Variants in WDR97 observed in about 807,000 individuals in gnomAD.
The protein encoded by WDR97 is WD repeat-containing protein 97.
WDR97 carries 111 observed loss-of-function variants against 65.4 expected under a neutral mutation model. The ratio of observed to expected loss-of-function variants is 1.70; its 90% confidence interval spans 1.45 to 1.99. The LOEUF (loss-of-function observed/expected upper bound fraction) is 1.99, where lower values mean the gene tolerates loss of function less well. Ranked by LOEUF, WDR97 falls within the 30% of genes most tolerant of loss-of-function variation. The probability of loss-of-function intolerance (pLI) is 0.00; values close to 1 mark genes in which losing one functional copy is unlikely to be tolerated. For missense variants in WDR97, 1,674 were observed against 865.0 expected (o/e 1.94, Z -11.73); for synonymous variants, 802 against 397.7 (o/e 2.02, Z -12.10).
chr8:144,117,418 G>C lies in WDR97; in HGVS notation c.*1125G>C, dbSNP rs1814783972. The C allele has an allele frequency of 6.6e-6, 1 of 152,196 alleles. No homozygotes were observed. 9.4% of individuals were successfully genotyped at this position (152,196 alleles called of 1,614,324 possible). ...CTCGATCAGTGTCTAGCGATGTCAA[G>C]GCCCCCAGTTTGGGTTCAAGCCTGC... On this transcript the variant is annotated 3_prime_UTR_variant, in exon 24 of 24. Transcript: ENST00000323662.
rs1259456383 is a variant in WDR97, at chr8:144,108,364, C to A, written c.298C>A (p.Pro100Thr). ...RAARLTHGLEPLRRLEVAAGL... is the reference protein window; with the variant it reads ...RAARLTHGLETLRRLEVAAGL... The stretch of plus-strand genomic sequence containing the variant: ...GGCGCGCCTGACGCATGGGCTGGAA[C>A]CACTGCGCCGCCTGGAGGTGGCAGC... The change falls in exon 3 of 24, where the codon CCA (proline) becomes ACA (threonine). Residue 100 changes from proline to threonine, a missense_variant. Coordinates refer to ENST00000323662, the MANE Select transcript of WDR97 (RefSeq NM_001316309.2). The A allele has an allele frequency of 2.9e-6, 2 of 697,256 alleles. No individual in the cohort carries two copies. Among genetic ancestry groups the A allele is most frequent in the African/African-American group, 3.5e-5 (2 of 57,052 alleles). The allele number at this position is 697,256 out of a possible 1,614,324, so 43.2% of individuals were successfully genotyped here. A position where few individuals can be genotyped will look rare whatever the true frequency, so the allele number is the denominator to read the frequency against.
At chr8:144,111,023 G>C (rs562265295) in intron 9 of WDR97, 27 bp downstream of exon 9, 2 of 702,350 alleles carry the variant, frequency 2.8e-6, no homozygotes, top group Non-Finnish European at 5.2e-6. Context: ...GAGTGAGCAA[G>C]GTGGGCCCCC....
Position 144,114,451 on chromosome 8 carries a change from C to G in WDR97, c.3768C>G (p.Asn1256Lys), listed in dbSNP as rs1836610590. The change falls in exon 19 of 24, where the codon AAC becomes AAG. Residue 1256 changes from asparagine to lysine, a missense_variant. By Grantham distance (94) the Asn-to-Lys change is moderately conservative (BLOSUM62 0). Transcript: ENST00000323662. Reference sequence around the variant, plus strand: ...AGGGCCTGCTCGTACACTTGCTCAACCTGGACCAGCCCCCCAGCCTCCAGG... The same window carrying G: ...AGGGCCTGCTCGTACACTTGCTCAAGCTGGACCAGCCCCCCAGCCTCCAGG... ...QLQGLLVHLL[N>K]LDQPPSLQDQ... is the part of the protein sequence containing the mutation. 1 of 702,738 alleles carries G rather than the reference C, an allele frequency of 1.4e-6. No homozygotes were observed. 43.5% of individuals were successfully genotyped at this position (702,738 alleles called of 1,614,324 possible).
rs1026816460 is a variant in WDR97 at position 144,107,800 on chromosome 8, C to T, written c.50C>T (p.Ser17Leu). 2.6e-5 allele frequency: 18 copies of T among 702,716 alleles called. No individual in the cohort carries two copies. Among genetic ancestry groups the T allele is most frequent in the Non-Finnish European group, 3.6e-5 (14 of 385,006 alleles). 43.5% of individuals were successfully genotyped at this position (702,716 alleles called of 1,614,324 possible). ...GAAGGCTACAACCTAGTTCTGGACT[C>T]GGACCTGTATGATGCGGATGGCTAT... The part of the protein sequence containing the change: ...EAEGYNLVLD[S>L]DLYDADGYDV... The change falls in exon 1 of 24, where the codon TCG becomes TTG. Residue 17 changes from serine to leucine, a missense_variant. Transcript: ENST00000323662.
At position 144,114,634 on chromosome 8, in the gene WDR97, G is replaced by A. The variant is rs1419035966; in HGVS notation, c.3873G>A (p.Leu1291=). ...CCCTGGAGTCCCGGGATGTGGTGCT[G>A]GAGCTCATGTCCTACTTCCTCTACT... ...ACSLESRDVV[L]ELMSYFLYSP... Residue 1291 remains leucine, a synonymous_variant, in exon 20 of 24, where the codon CTG becomes CTA. Transcript: ENST00000323662. The A allele has an allele frequency of 2.8e-6, 2 of 702,746 alleles. No homozygotes were observed. Among genetic ancestry groups the A allele is most frequent in the Non-Finnish European group, 5.2e-6 (2 of 385,002 alleles). The allele number at this position is 702,746 out of a possible 1,614,324, so 43.5% of individuals were successfully genotyped here.
At chr8:144,110,800 G>A (rs1836531681) in intron 8 of WDR97, 61 bp downstream of exon 8, 2 of 702,594 alleles carry the variant, frequency 2.8e-6, no homozygotes, top group East Asian at 5.4e-5. Context: ...AGAGCCCACT[G>A]GCTGGACTGA....
Position 144,108,323 on chromosome 8 carries a change from G to C in WDR97, c.257G>C (p.Arg86Thr). ...GCCCACCCCGGCCCACAGGAGAAGA[G>C]AGCCGAGCTGCGCGCGGCGCGCCTG... ...SLHEVVEKEK[R>T]AELRAARLTH... Residue 86 changes from arginine to threonine, a missense_variant, in exon 3 of 24, where the codon AGA (arginine) becomes ACA (threonine). By Grantham distance (71) the Arg-to-Thr change is moderately conservative. Coordinates refer to ENST00000323662, the MANE Select transcript of WDR97 (RefSeq NM_001316309.2). 1.4e-6 allele frequency: 1 copy of C among 693,118 alleles called. No individual in the cohort carries two copies. Among genetic ancestry groups the C allele is most frequent in the Non-Finnish European group, 2.6e-6 (1 of 382,204 alleles). 42.9% of individuals were successfully genotyped at this position (693,118 alleles called of 1,614,324 possible).
rs1253150569 is a variant in WDR97, at chr8:144,117,200, G to C, written c.*907G>C. 1 of 152,274 alleles carries C rather than the reference G, an allele frequency of 6.6e-6. No individual in the cohort carries two copies. The highest frequency in any genetic ancestry group is 1.5e-5 in the Non-Finnish European group (1 of 68,086). The allele number at this position is 152,274 out of a possible 1,614,324, so 9.4% of individuals were successfully genotyped here. ...ACACAGTGGTGCCACCATCCCAAGA[G>C]CATGGGTGCGCAGGACCGTGCGGGA... On this transcript the variant is annotated 3_prime_UTR_variant, in exon 24 of 24. Coordinates refer to ENST00000323662, the MANE Select transcript of WDR97 (RefSeq NM_001316309.2).
At position 144,109,802 on chromosome 8, in the gene WDR97, T is replaced by C. The variant is rs1174441947; in HGVS notation, c.1468T>C (p.Trp490Arg). Reference sequence around the variant, plus strand: ...CTACTGCCTGCCGCGCGAGGCGCTGTGGCTGCTGACCAGGGCTGGGCACCT... The same window carrying C: ...CTACTGCCTGCCGCGCGAGGCGCTGCGGCTGCTGACCAGGGCTGGGCACCT... ...VAYCLPREAL[W>R]LLTRAGHLVR... Residue 490 changes from tryptophan (W) to arginine (R), a missense_variant, in exon 5 of 24, where the codon TGG becomes CGG. By Grantham distance (101) the Trp-to-Arg change is moderately radical. Transcript: ENST00000323662. 3 of 673,428 alleles carry C rather than the reference T, an allele frequency of 4.5e-6. No individual in the cohort carries two copies. Among genetic ancestry groups the C allele is most frequent in the Non-Finnish European group, 2.7e-6 (1 of 373,944 alleles). 41.7% of individuals were successfully genotyped at this position (673,428 alleles called of 1,614,324 possible).
rs768624712 is a variant in WDR97, at chr8:144,107,816, G to A, written c.66G>A (p.Ala22=). 1.7e-5 allele frequency: 12 copies of A among 702,754 alleles called. No homozygotes were observed. Among genetic ancestry groups the A allele is most frequent in the East Asian group, 1.3e-4 (5 of 37,304 alleles). The allele number at this position is 702,754 out of a possible 1,614,324, so 43.5% of individuals were successfully genotyped here. A position where few individuals can be genotyped will look rare whatever the true frequency, so the allele number is the denominator to read the frequency against. ...NLVLDSDLYD[A]DGYDVPDPGL... is the part of the protein sequence containing the mutation. ...TTCTGGACTCGGACCTGTATGATGC[G>A]GATGGCTATGATGTCCCAGACCCTG... The change falls in exon 1 of 24, where the codon GCG becomes GCA. Residue 22 remains alanine, a synonymous_variant. Transcript: ENST00000323662.
rs1444593905 is a variant in WDR97, at chr8:144,115,595, C to T, written c.4332C>T (p.Ser1444=). ...RLRVLSETLK[S]FCLEPEARLH... ...GAGTGCTCTCCGAGACGCTGAAGAG[C>T]TTCTGCCTGGAGCCCGAGGCCCGCC... is the stretch of plus-strand genomic sequence containing the variant. Residue 1444 remains serine, a synonymous_variant, in exon 22 of 24, where the codon AGC becomes AGT. Coordinates refer to ENST00000323662, the MANE Select transcript of WDR97 (RefSeq NM_001316309.2). The T allele has an allele frequency of 6.1e-5, 42 of 687,810 alleles. 1 individual carries two copies. The Admixed American group carries it at 8.6e-4, about 14-fold the overall frequency. The allele number at this position is 687,810 out of a possible 1,614,324, so 42.6% of individuals were successfully genotyped here. A position where few individuals can be genotyped will look rare whatever the true frequency, so the allele number is the denominator to read the frequency against.
At position 144,116,078 on chromosome 8, in the gene WDR97, C is replaced by T. The variant is rs1164855654; in HGVS notation, c.4667-13C>T. 5.8e-6 allele frequency: 4 copies of T among 693,112 alleles called. No homozygotes were observed. Among genetic ancestry groups the T allele is most frequent in the South Asian group, 1.5e-5 (1 of 66,994 alleles). The allele number at this position is 693,112 out of a possible 1,614,324, so 42.9% of individuals were successfully genotyped here. A position where few individuals can be genotyped will look rare whatever the true frequency, so the allele number is the denominator to read the frequency against. ...CCAGCCCCCGGGCCTCATAAGCCTC[C>T]GCCCGCCCCCAGGCCCCATGCGGTC... is the stretch of plus-strand genomic sequence containing the variant. On this transcript the variant is annotated splice_polypyrimidine_tract_variant and intron_variant, in intron 23 of 23. Transcript: ENST00000323662.
Position 144,112,320 on chromosome 8 carries a change from G to A in WDR97, c.2992G>A (p.Asp998Asn). 2.8e-6 allele frequency: 2 copies of A among 702,746 alleles called. No individual in the cohort carries two copies. The highest frequency in any genetic ancestry group is 5.2e-6 in the Non-Finnish European group (2 of 384,948). 43.5% of individuals were successfully genotyped at this position (702,746 alleles called of 1,614,324 possible). Residue 998 changes from aspartate to asparagine, a missense_variant, in exon 14 of 24, where the codon GAC (aspartate) becomes AAC (asparagine). Asp to Asn is a conservative substitution (Grantham distance 23). Coordinates refer to ENST00000323662, the MANE Select transcript of WDR97 (RefSeq NM_001316309.2). The stretch of plus-strand genomic sequence containing the variant: ...CCGAGGGAGGACGACCATGGCCCTG[G>A]ACCTGCCATCCTCCCACTTGCAGTG... ...QLRGRTTMALDLPSSHLQCRI... is the reference protein window; with the variant it reads ...QLRGRTTMALNLPSSHLQCRI...
In WDR97 at chr8:144,111,740, T is replaced by C. The variant is rs950376963; in HGVS notation, c.2596T>C (p.Phe866Leu). ...CTCCTGGCAGCAGCGCCAGGAAGGC[T>C]TTGACAATTACCTCCGTCTGATCTA... Reference protein sequence around the residue: ...PPSWQQRQEGFDNYLRLIYGS... With the variant: ...PPSWQQRQEGLDNYLRLIYGS... The change falls in exon 12 of 24, where the codon TTT becomes CTT. Residue 866 changes from phenylalanine to leucine, a missense_variant. By Grantham distance (22) the Phe-to-Leu change is conservative. Transcript: ENST00000323662. The C allele has an allele frequency of 2.9e-6, 2 of 693,192 alleles. No homozygotes were observed. Among genetic ancestry groups the C allele is most frequent in the Non-Finnish European group, 5.3e-6 (2 of 378,928 alleles). 42.9% of individuals were successfully genotyped at this position (693,192 alleles called of 1,614,324 possible).
chr8:144,116,858 C>G lies in WDR97; in HGVS notation c.*565C>G, dbSNP rs556756068. On this transcript the variant is annotated 3_prime_UTR_variant, in exon 24 of 24. Transcript: ENST00000323662. ...CCTCTGACCCCTTTAGCCTGAAAGTCCCTAGGGGAGGGGCTTGGTCCGGAA... is the reference window on the plus strand; with the variant it reads ...CCTCTGACCCCTTTAGCCTGAAAGTGCCTAGGGGAGGGGCTTGGTCCGGAA... 1.3e-5 allele frequency: 2 copies of G among 152,352 alleles called. No individual in the cohort carries two copies. The highest frequency in any genetic ancestry group is 4.8e-5 in the African/African-American group (2 of 41,482). 9.4% of individuals were successfully genotyped at this position (152,352 alleles called of 1,614,324 possible). A position where few individuals can be genotyped will look rare whatever the true frequency, so the allele number is the denominator to read the frequency against.
Position 144,116,428 on chromosome 8 carries a change from CG to C in WDR97, c.*137del. On this transcript the variant is annotated 3_prime_UTR_variant, in exon 24 of 24. Coordinates refer to ENST00000323662, the MANE Select transcript of WDR97 (RefSeq NM_001316309.2). ...GCTTTGGAGGGCCCCGGGGTGCGCA[CG>C]GCGTGTGGGCGTGCGGCCTGAACCC... The C allele has an allele frequency of 1.8e-6, 1 of 546,430 alleles. No homozygotes were observed. The highest frequency in any genetic ancestry group is 3.1e-5 in the East Asian group (1 of 32,190). 33.8% of individuals were successfully genotyped at this position (546,430 alleles called of 1,614,324 possible). A position where few individuals can be genotyped will look rare whatever the true frequency, so the allele number is the denominator to read the frequency against.
In WDR97 at chr8:144,113,468, G is replaced by C; in HGVS notation, c.3134G>C (p.Gly1045Ala). The stretch of plus-strand genomic sequence containing the variant: ...TGCCTGAGGCCCATCTGCTTCCCCG[G>C]CTATGTGCCCAACTCCGCGGTGCTA... ...KHCLRPICFP[G>A]YVPNSAVLQQ... Residue 1045 changes from glycine to alanine, a missense_variant, in exon 16 of 24, where the codon GGC becomes GCC. Transcript: ENST00000323662. 2.8e-6 allele frequency: 2 copies of C among 702,352 alleles called. No individual in the cohort carries two copies. The highest frequency in any genetic ancestry group is 3.0e-5 in the South Asian group (2 of 67,606). 43.5% of individuals were successfully genotyped at this position (702,352 alleles called of 1,614,324 possible).
rs981692122 is a variant in WDR97, at chr8:144,110,338, C to T, written c.1844-3C>T. The T allele has an allele frequency of 1.4e-6, 1 of 702,806 alleles. No individual in the cohort carries two copies. The highest frequency in any genetic ancestry group is 1.7e-5 in the African/African-American group (1 of 57,284). The allele number at this position is 702,806 out of a possible 1,614,324, so 43.5% of individuals were successfully genotyped here. On this transcript the variant is annotated splice_region_variant and splice_polypyrimidine_tract_variant and intron_variant, in intron 6 of 23. Transcript: ENST00000323662. ...AGGCCCAGCCAGATTCCGCTGCCCA[C>T]AGGTGGGGACCTGACGGTGAAGATG...
rs1020714919 is a variant in WDR97 at position 144,111,015 on chromosome 8, G to A, written c.2304+19G>A. 3 of 702,566 alleles carry A rather than the reference G, an allele frequency of 4.3e-6. No homozygotes were observed. The Admixed American group carries it at 6.0e-5, about 14-fold the overall frequency. 43.5% of individuals were successfully genotyped at this position (702,566 alleles called of 1,614,324 possible). On this transcript the variant is annotated intron_variant, in intron 9 of 23. Transcript: ENST00000323662. ...AGTTAAGGTGTGTGGTGAGGACAGA[G>A]TGAGCAAGGTGGGCCCCCCTTGCTC...
Sources: gnomAD v4.1 joint callset for allele counts on GRCh38, gnomAD v4.1.1 for gene constraint, MANE v1.5 for transcripts, NCBI Gene and HGNC (gene_info 2026-07-23, HGNC 2026-07-21) for gene names.